Variants in FBXO15 observed in about 807,000 individuals in gnomAD.
FBXO15 encodes the protein F-box protein 15.
A neutral mutation model predicts 49.5 loss-of-function variants in FBXO15; 30 were observed. The observed-to-expected ratio is 0.61, with a 90% CI of 0.45 to 0.82. The LOEUF is 0.82. Among genes scored for constraint, FBXO15 ranks in the 40% least tolerant of loss-of-function variants. The pLI is 0.00. For synonymous variants in FBXO15, 250 were observed against 232.7 expected (o/e 1.07, Z -0.68); for missense variants, 591 against 631.5 (o/e 0.94, Z 0.69).
chr18:74,120,948 T>C (rs947030080), intron 8 of FBXO15, among the ~76,000 whole-genome samples: 3 of 151,368 alleles, frequency 2.0e-5, no homozygotes, highest in Admixed American at 6.6e-5. Context: ...AAAAAAGAAA[T>C]ACAGAAATAC....
At chr18:74,118,762 T>C (rs1914349565) in intron 8 of FBXO15, among the ~76,000 whole-genome samples, 1 of 152,166 alleles carries the variant, frequency 6.6e-6, no homozygotes, top group Non-Finnish European at 1.5e-5. Flanking sequence ...GAGGATGACA[T>C]AGACACTAAG....
chr18:74,142,885 G>T (rs766352059), intron 1 of FBXO15, among the ~76,000 whole-genome samples: 1 of 152,042 alleles, frequency 6.6e-6, no homozygotes, highest in African/African-American at 2.4e-5. Flanking sequence ...TTAAAAGCAT[G>T]ACTTATTTTT....
chr18:74,125,746 G>A (rs1186335353), intron 6 of FBXO15, among the ~76,000 whole-genome samples: 1 of 152,184 alleles, frequency 6.6e-6, no homozygotes, highest in African/African-American at 2.4e-5. Flanking sequence ...TAGCAGAACA[G>A]CAGAACAACA....
At chr18:74,109,243 G>T in intron 8 of FBXO15, among the ~76,000 whole-genome samples, 1 of 152,122 alleles carries the variant, frequency 6.6e-6, no homozygotes, top group East Asian at 1.9e-4. Context: ...GCTCATCACT[G>T]GTCATCAGAT....
At chr18:74,118,765 A>G (rs1914349974) in intron 8 of FBXO15, among the ~76,000 whole-genome samples, 1 of 152,202 alleles carries the variant, frequency 6.6e-6, no homozygotes, top group Admixed American at 6.5e-5. Context: ...GATGACATAG[A>G]CACTAAGTAC....
At position 74,129,475 on chromosome 18, in the gene FBXO15, A is replaced by G. The variant is rs753463240; in HGVS notation, c.715T>C (p.Leu239=). 5 of 1,613,922 alleles carry G rather than the reference A, an allele frequency of 3.1e-6. No homozygotes were observed. Among genetic ancestry groups the G allele is most frequent in the Non-Finnish European group, 4.2e-6 (5 of 1,179,986 alleles). ...YGKKWPCLAS[L]STLDLCGMTP... ...ATGCCACATAAATCTAAGGTTGACAATGATGCTAGGCATGGCCATTTTTTG... is the reference window on the plus strand; with the variant it reads ...ATGCCACATAAATCTAAGGTTGACAGTGATGCTAGGCATGGCCATTTTTTG... Residue 239 remains leucine (L), a synonymous_variant, in exon 5 of 10, where the codon TTG becomes CTG. Transcript: ENST00000419743.
chr18:74,120,184 G>C (rs147214940), intron 8 of FBXO15, among the ~76,000 whole-genome samples: 73 of 152,334 alleles, frequency 4.8e-4, no homozygotes, highest in African/African-American at 1.5e-3. Context: ...GAATATAACA[G>C]AGCTTCAAAA....
chr18:74,080,810 T>C (rs568235275), intron 9 of FBXO15, among the ~76,000 whole-genome samples: 9 of 152,364 alleles, frequency 5.9e-5, no homozygotes, highest in Admixed American at 5.2e-4. Context: ...GAGAACTAAA[T>C]GACTGCTCTC....
intron 8 of FBXO15, among the ~76,000 whole-genome samples, chr18:74,108,896 C>G (rs11877972): frequency 0.22 from 33,828 of 151,984 alleles, 5,960 homozygotes; most frequent in African/African-American, 0.48. Flanking sequence ...GAAGAGAATA[C>G]AGTAAAACAT....
rs117482234 is a variant in FBXO15 at position 74,117,970 on chromosome 18, C to T, written c.1138+5398G>A. On this transcript the variant is annotated intron_variant, in intron 8 of 9. Transcript: ENST00000419743. ...TAGAGTGATGGGATAATTCTACATGCGTATGGATCCCAACATACAGAATTC... is the reference window on the plus strand; with the variant it reads ...TAGAGTGATGGGATAATTCTACATGTGTATGGATCCCAACATACAGAATTC... 6.5e-3 allele frequency among the ~76,000 whole-genome samples: 986 copies of T among 151,718 alleles called. 33 individuals are homozygous for T. Among genetic ancestry groups the T allele is most frequent in the East Asian group, 0.051 (264 of 5,152 alleles).
In FBXO15 at chr18:74,130,585, T is replaced by C; in HGVS notation, c.406A>G (p.Lys136Glu). 6.2e-7 allele frequency: 1 copy of C among 1,614,158 alleles called. No individual in the cohort carries two copies. Among genetic ancestry groups the C allele is most frequent in the Non-Finnish European group, 8.5e-7 (1 of 1,180,012 alleles). Reference sequence around the variant, plus strand: ...AGAAAGCTCATAGACATAGCTATCTTCTCTACTGAATTAAATTTCCAATTT... The same window carrying C: ...AGAAAGCTCATAGACATAGCTATCTCCTCTACTGAATTAAATTTCCAATTT... ...RSNWKFNSVEKIAMSMSFLSV... is the reference protein window; with the variant it reads ...RSNWKFNSVEEIAMSMSFLSV... The change falls in exon 4 of 10, where the codon AAG becomes GAG. Residue 136 changes from lysine to glutamate, a missense_variant. Lys to Glu is a moderately conservative substitution (Grantham distance 56). Coordinates refer to ENST00000419743, the MANE Select transcript of FBXO15 (RefSeq NM_001142958.2).
intron 8 of FBXO15, among the ~76,000 whole-genome samples, chr18:74,101,464 A>G (rs1406002357): frequency 6.6e-6 from 1 of 152,186 alleles, no homozygotes; most frequent in Non-Finnish European, 1.5e-5. Flanking sequence ...GAAATCACAG[A>G]TGACACAAAC....
chr18:74,123,115 A>T (rs537825258), intron 8 of FBXO15: 75 of 379,384 alleles, frequency 2.0e-4, no homozygotes, highest in African/African-American at 1.5e-3. Flanking sequence ...ATCAGTAGAG[A>T]AGATGAGTAG....
chr18:74,077,658 C>T (rs1384861388), intron 9 of FBXO15, among the ~76,000 whole-genome samples: 16 of 152,292 alleles, frequency 1.1e-4, no homozygotes, highest in Admixed American at 1.0e-3. Context: ...TAAGAAAAAA[C>T]ACCCTACACT....
intron 8 of FBXO15, among the ~76,000 whole-genome samples, chr18:74,090,866 A>G (rs1187683019): frequency 6.6e-6 from 1 of 152,168 alleles, no homozygotes; most frequent in Non-Finnish European, 1.5e-5. Flanking sequence ...ACAGATGAGA[A>G]GAGCGTATAT....
Position 74,147,738 on chromosome 18 carries a change from G to C in FBXO15, c.48C>G (p.Leu16=). 1 of 1,536,856 alleles carries C rather than the reference G, an allele frequency of 6.5e-7. No homozygotes were observed. The highest frequency in any genetic ancestry group is 8.7e-7 in the Non-Finnish European group (1 of 1,143,406). ...CCCTGCTGGGCCCGCGCAGCGTCTG[G>C]AGGCCGAGCCAGTGCTGCTGCAAGA... is the stretch of plus-strand genomic sequence containing the variant. The part of the protein sequence containing the change: ...GRILQQHWLG[L]QTLRGPSRGG... Residue 16 remains leucine, a synonymous_variant, in exon 1 of 10, where the codon CTC becomes CTG. Coordinates refer to ENST00000419743, the MANE Select transcript of FBXO15 (RefSeq NM_001142958.2).
chr18:74,078,595 T>TG (rs967523208), intron 9 of FBXO15: 9 of 152,176 alleles, frequency 5.9e-5, no homozygotes, highest in South Asian at 2.1e-4. Context: ...CCCAACCTTC[T>TG]GGGGGGGGAT....
intron 8 of FBXO15, among the ~76,000 whole-genome samples, chr18:74,116,897 G>A (rs1427862498): frequency 2.0e-5 from 3 of 152,068 alleles, no homozygotes; most frequent in East Asian, 1.9e-4. Context: ...GGTTAGCGTC[G>A]AGCCAGGCTT....
chr18:74,106,287 T>C (rs1430979130), intron 8 of FBXO15, among the ~76,000 whole-genome samples: 1 of 152,158 alleles, frequency 6.6e-6, no homozygotes, highest in East Asian at 1.9e-4. Flanking sequence ...ATTTGAAAGA[T>C]GCAACATTAA....
Sources: gnomAD v4.1 joint callset for allele counts (sites outside exome capture counted in the v4.1 genomes callset) on GRCh38, gnomAD v4.1.1 for gene constraint, MANE v1.5 for transcripts, NCBI Gene and HGNC (gene_info 2026-07-23, HGNC 2026-07-21) for gene names.